The following RALGPS1 variants were observed in gnomAD, a reference collection of about 807,000 sequenced individuals.
RALGPS1 encodes the protein Ral GEF with PH domain and SH3 binding motif 1.
In RALGPS1, 19 loss-of-function variants were observed where a neutral mutation model predicts 78.8. That is an observed-to-expected ratio of 0.24 (90% CI 0.17 to 0.35). The LOEUF is 0.35. RALGPS1 is among the 10% of genes least tolerant of loss of function. The pLI, the probability that RALGPS1 is intolerant of heterozygous loss-of-function variation, is 1.00. For missense variants in RALGPS1, 454 were observed against 688.3 expected (o/e 0.66, Z 3.81); for synonymous variants, 228 against 256.3 (o/e 0.89, Z 1.06).
intron 4 of RALGPS1, among the ~76,000 whole-genome samples, chr9:127,017,929 T>C (rs1043146733): frequency 2.0e-5 from 3 of 152,034 alleles, no homozygotes; most frequent in Non-Finnish European, 4.4e-5. Flanking sequence ...AATAATGCCT[T>C]CTTCTGGCCG....
intron 8 of RALGPS1, among the ~76,000 whole-genome samples, chr9:127,072,962 G>T (rs1265429147): frequency 2.0e-5 from 3 of 152,102 alleles, no homozygotes; most frequent in African/African-American, 7.2e-5. Context: ...TGTATTGATA[G>T]ATAATATTTT....
intron 8 of RALGPS1, among the ~76,000 whole-genome samples, chr9:127,107,736 C>T (rs2054356943): frequency 6.6e-6 from 1 of 152,140 alleles, no homozygotes; most frequent in Admixed American, 6.5e-5. Context: ...ATGTGGTTCC[C>T]CTGCCACCCG....
intron 8 of RALGPS1, among the ~76,000 whole-genome samples, chr9:127,164,534 C>CTT (rs1160251459): frequency 0.024 from 1,484 of 62,780 alleles, 41 homozygotes; most frequent in East Asian, 0.03. Flanking sequence ...CATGCCTGGC[C>CTT]TTTTTTTTTT....
At chr9:127,061,897 G>A (rs1164745906) in intron 7 of RALGPS1, among the ~76,000 whole-genome samples, 4 of 152,090 alleles carry the variant, frequency 2.6e-5, no homozygotes, top group Admixed American at 6.5e-5. Context: ...TCAGGGGATC[G>A]ATCTCAACCT....
intron 4 of RALGPS1, among the ~76,000 whole-genome samples, chr9:127,027,425 A>G (rs967529554): frequency 1.3e-5 from 2 of 152,190 alleles, no homozygotes; most frequent in Non-Finnish European, 2.9e-5. Context: ...TCATGGACTA[A>G]CTTCATTGTT....
rs991571086 is a variant in RALGPS1 at position 127,197,355 on chromosome 9, C to T, written c.1195+724C>T. Among the ~76,000 whole-genome samples the T allele has an allele frequency of 5.3e-5, 8 of 152,276 alleles. No homozygotes were observed. The South Asian group carries it at 1.2e-3, about 24-fold the overall frequency. On this transcript the variant is annotated intron_variant, in intron 13 of 18. Transcript: ENST00000259351. ...GTGTGCTCTGATGCCTGTTGCCTTT[C>T]GGTGTGCCTGTGCCTCTGTGGTCTG... is the stretch of plus-strand genomic sequence containing the variant.
At chr9:127,024,904 T>C (rs2045833806) in intron 4 of RALGPS1, among the ~76,000 whole-genome samples, 1 of 152,202 alleles carries the variant, frequency 6.6e-6, no homozygotes, top group African/African-American at 2.4e-5. Context: ...CTCTTTCCTT[T>C]TTTTTCCTTC....
intron 8 of RALGPS1, among the ~76,000 whole-genome samples, chr9:127,120,412 C>A (rs187194673): frequency 1.3e-5 from 2 of 152,332 alleles, no homozygotes; most frequent in East Asian, 3.9e-4. Context: ...TAAAGCCCCC[C>A]TCTCCTCAGG....
intron 5 of RALGPS1, among the ~76,000 whole-genome samples, chr9:127,049,767 C>T (rs569013101): frequency 3.9e-5 from 6 of 152,198 alleles, no homozygotes; most frequent in African/African-American, 1.4e-4. Context: ...ACTCGTGTCA[C>T]GGAGGCCCAG....
chr9:127,196,981 G>A lies in RALGPS1; in HGVS notation c.1195+350G>A, dbSNP rs950615675. Among the ~76,000 whole-genome samples, 8 of 152,318 alleles carry A rather than the reference G, an allele frequency of 5.3e-5. No homozygotes were observed. The East Asian group carries it at 1.5e-3, about 29-fold the overall frequency. ...CCACAGTCAGGCTTCTGTCCCTGGG[G>A]GATCATGACCCACAGGGCCCTGCAG... On this transcript the variant is annotated intron_variant, in intron 13 of 18. Coordinates refer to ENST00000259351, the MANE Select transcript of RALGPS1 (RefSeq NM_014636.3).
intron 4 of RALGPS1, among the ~76,000 whole-genome samples, chr9:127,009,782 C>T (rs1259018215): frequency 1.3e-5 from 2 of 152,146 alleles, no homozygotes; most frequent in African/African-American, 4.8e-5. Flanking sequence ...CCCCAGCATA[C>T]CTGTGAGATA....
At chr9:127,033,773 C>T (rs148227623) in intron 4 of RALGPS1, among the ~76,000 whole-genome samples, 1 of 152,122 alleles carries the variant, frequency 6.6e-6, no homozygotes, top group Non-Finnish European at 1.5e-5. Flanking sequence ...TAAGAGCCAG[C>T]CTTACTGATA....
intron 8 of RALGPS1, among the ~76,000 whole-genome samples, chr9:127,123,165 C>A (rs2056322589): frequency 6.6e-6 from 1 of 152,242 alleles, no homozygotes. Context: ...TCGTGGAGGC[C>A]TCATTCTCAT....
At chr9:126,917,630 G>T (rs551528201) in intron 1 of RALGPS1, among the ~76,000 whole-genome samples, 4 of 152,138 alleles carry the variant, frequency 2.6e-5, no homozygotes, top group Non-Finnish European at 4.4e-5. Context: ...ACCTTGTGAG[G>T]TTGTTATGAA....
intron 18 of RALGPS1, chr9:127,217,958 G>A (rs2062664192): frequency 6.6e-6 from 1 of 152,110 alleles, no homozygotes; most frequent in Non-Finnish European, 1.5e-5. Flanking sequence ...CCGCTTTTTT[G>A]CTATAGTGAA....
At chr9:127,028,188 C>T (rs1408995594) in intron 4 of RALGPS1, among the ~76,000 whole-genome samples, 1 of 152,214 alleles carries the variant, frequency 6.6e-6, no homozygotes, top group South Asian at 2.1e-4. Context: ...GTGGTGCTCT[C>T]AGAAGCCTGC....
At chr9:127,093,788 A>T in intron 8 of RALGPS1, 1 of 1,613,980 alleles carries the variant, frequency 6.2e-7, no homozygotes, top group Non-Finnish European at 8.5e-7. Context: ...GCGTCTCTGG[A>T]TGACGGTCCA....
At chr9:127,182,332 G>GCCTTCCTT (rs1403027794) in intron 11 of RALGPS1, among the ~76,000 whole-genome samples, 3 of 133,514 alleles carry the variant, frequency 2.2e-5, no homozygotes, top group Non-Finnish European at 4.7e-5. Flanking sequence ...CTTCCTTCCT[G>GCCTTCCTT]CCTTCCTTCC....
intron 14 of RALGPS1, among the ~76,000 whole-genome samples, chr9:127,209,688 G>A (rs1564800209): frequency 6.6e-6 from 1 of 152,150 alleles, no homozygotes; most frequent in Non-Finnish European, 1.5e-5. Context: ...TGGGCCCCTG[G>A]ACAGTGGACC....
Sources: gnomAD v4.1 joint callset for allele counts (sites outside exome capture counted in the v4.1 genomes callset) on GRCh38, gnomAD v4.1.1 for gene constraint, MANE v1.5 for transcripts, NCBI Gene and HGNC (gene_info 2026-07-23, HGNC 2026-07-21) for gene names.